The following RNF4 variants were observed in gnomAD, a reference collection of about 807,000 sequenced individuals.
RNF4 encodes the protein ring finger protein 4.
In RNF4, 7 loss-of-function variants were observed where a neutral mutation model predicts 24.3. That is an observed-to-expected ratio of 0.29 (90% CI 0.16 to 0.54). The LOEUF (loss-of-function observed/expected upper bound fraction) is 0.54, where lower values mean the gene tolerates loss of function less well. RNF4 is among the 20% of genes least tolerant of loss of function. The probability of loss-of-function intolerance (pLI) is 0.95; values close to 1 mark genes in which losing one functional copy is unlikely to be tolerated. For missense variants in RNF4, 209 were observed against 248.5 expected, an observed-to-expected ratio of 0.84 and a Z score of 1.07; for synonymous variants, 83 against 84.3, an observed-to-expected ratio of 0.98 and a Z score of 0.09.
chr4:2,495,290 A>G (rs1185187382), intron 2 of RNF4, among the ~76,000 whole-genome samples: 1 of 152,204 alleles, frequency 6.6e-6, no homozygotes, highest in Non-Finnish European at 1.5e-5. Flanking sequence ...CCTGTTGCCT[A>G]GCGAGGGCTT....
intron 1 of RNF4, among the ~76,000 whole-genome samples, chr4:2,475,435 T>G (rs1735039533): frequency 6.6e-6 from 1 of 152,146 alleles, no homozygotes; most frequent in East Asian, 1.9e-4. Flanking sequence ...GCCTCCCAGG[T>G]TCACGCCATT....
intron 4 of RNF4, among the ~76,000 whole-genome samples, chr4:2,504,535 T>C (rs964748057): frequency 7.0e-6 from 1 of 143,878 alleles, no homozygotes; most frequent in East Asian, 2.4e-4. Flanking sequence ...TTTATTTATT[T>C]ATTTATTTAT....
Position 2,514,082 on chromosome 4 carries a change from G to T in RNF4, c.*263G>T. The T allele has an allele frequency of 2.4e-6, 1 of 424,668 alleles. No homozygotes were observed. Among genetic ancestry groups the T allele is most frequent in the Non-Finnish European group, 4.2e-6 (1 of 235,592 alleles). The allele number at this position is 424,668 out of a possible 1,614,324, so 26.3% of individuals were successfully genotyped here. A position where few individuals can be genotyped will look rare whatever the true frequency, so the allele number is the denominator to read the frequency against. ...GGGAGAAAGGGAGTCAGGCGCATTGGGAATCGTGGTTCCAGTCTGGTTGCA... is the reference window on the plus strand; with the variant it reads ...GGGAGAAAGGGAGTCAGGCGCATTGTGAATCGTGGTTCCAGTCTGGTTGCA... On this transcript the variant is annotated 3_prime_UTR_variant, in exon 8 of 8. Transcript: ENST00000314289.
At chr4:2,511,112 G>A (rs912043336) in intron 4 of RNF4, among the ~76,000 whole-genome samples, 1 of 152,262 alleles carries the variant, frequency 6.6e-6, no homozygotes, top group African/African-American at 2.4e-5. Context: ...CCCTAGTGCT[G>A]TCTAAATGTT....
At chr4:2,497,208 A>G (rs1735764438) in intron 3 of RNF4, 87 bp downstream of exon 3, 2 of 966,716 alleles carry the variant, frequency 2.1e-6, no homozygotes, top group South Asian at 3.2e-5. Flanking sequence ...AGGTGCTTTC[A>G]GTGTCTTTAG....
chr4:2,494,801 C>T (rs888353115), intron 2 of RNF4: 10 of 152,192 alleles, frequency 6.6e-5, no homozygotes, highest in Non-Finnish European at 1.5e-4. Flanking sequence ...TGATCTAATG[C>T]TTGCTTGGAC....
chr4:2,472,624 G>A (rs1023130929), intron 1 of RNF4, among the ~76,000 whole-genome samples: 3 of 151,402 alleles, frequency 2.0e-5, no homozygotes, highest in East Asian at 1.9e-4. Context: ...AAAAAAGGGC[G>A]GCAGGGGGAA....
chr4:2,507,441 G>A (rs1736136020), intron 4 of RNF4, among the ~76,000 whole-genome samples: 1 of 152,226 alleles, frequency 6.6e-6, no homozygotes, highest in Non-Finnish European at 1.5e-5. Flanking sequence ...GCAAGTAACA[G>A]GCATCAGTAA....
At chr4:2,499,189 T>A (rs1383313367) in intron 3 of RNF4, 1 of 377,900 alleles carries the variant, frequency 2.6e-6, no homozygotes, top group Non-Finnish European at 5.2e-6. Context: ...AGAGCGAGAC[T>A]CTGTCTCAAA....
chr4:2,484,358 T>G (rs1735343891), intron 1 of RNF4, among the ~76,000 whole-genome samples: 1 of 151,768 alleles, frequency 6.6e-6, no homozygotes, highest in African/African-American at 2.4e-5. Flanking sequence ...TGAGATAGGG[T>G]CATAGAATTT....
At chr4:2,489,921 C>T (rs958734003) in intron 1 of RNF4, 1 of 152,872 alleles carries the variant, frequency 6.5e-6, no homozygotes, top group African/African-American at 2.4e-5. Flanking sequence ...TGGCTCTTGT[C>T]TTCTCAACTC....
chr4:2,490,965 G>A (rs1378500171), intron 2 of RNF4, among the ~76,000 whole-genome samples: 2 of 152,160 alleles, frequency 1.3e-5, no homozygotes, highest in East Asian at 3.8e-4. Context: ...GGGCGCACCT[G>A]TAGTCCCAGC....
chr4:2,471,387 C>T (rs1734904946), intron 1 of RNF4, among the ~76,000 whole-genome samples: 1 of 151,922 alleles, frequency 6.6e-6, no homozygotes, highest in South Asian at 2.1e-4. Flanking sequence ...GTACTAACAG[C>T]TCCACTGACT....
At chr4:2,510,236 T>C (rs549861430) in intron 4 of RNF4, among the ~76,000 whole-genome samples, 1 of 152,306 alleles carries the variant, frequency 6.6e-6, no homozygotes, top group South Asian at 2.1e-4. Flanking sequence ...CCACTCTAAT[T>C]ATTCCTAAGC....
At chr4:2,475,884 C>T (rs910748655) in intron 1 of RNF4, among the ~76,000 whole-genome samples, 8 of 152,184 alleles carry the variant, frequency 5.3e-5, no homozygotes, top group African/African-American at 1.7e-4. Flanking sequence ...CGAAACTTCA[C>T]CCCACCCCTG....
In RNF4 at chr4:2,512,481, C is replaced by A; in HGVS notation, c.258C>A (p.Asp86Glu). Residue 86 changes from aspartate (D) to glutamate (E), a missense_variant, in exon 6 of 8, where the codon GAC (aspartate) becomes GAA (glutamate). Asp to Glu is a conservative substitution (Grantham distance 45, BLOSUM62 2). This residue lies in a region of RNF4 where 182 missense variants were observed against 197.2 expected (regional missense o/e 0.92). Transcript: ENST00000314289. The surrounding 1 kb of genome is among the most constrained non-coding windows in gnomAD (Gnocchi z 4.1). ...PRRNARRLPQ[D>E]HADSCVVSSD... ...GGAATGCTAGGAGGCTGCCCCAGGA[C>A]CATGCTGACAGCTGTGTGGTGAGCA... is the stretch of plus-strand genomic sequence containing the variant. 1 of 1,613,624 alleles carries A rather than the reference C, an allele frequency of 6.2e-7. No individual in the cohort carries two copies. Among genetic ancestry groups the A allele is most frequent in the South Asian group, 1.1e-5 (1 of 91,034 alleles).
intron 1 of RNF4, among the ~76,000 whole-genome samples, chr4:2,474,704 C>T (rs1453606941): frequency 6.6e-6 from 1 of 152,150 alleles, no homozygotes; most frequent in Non-Finnish European, 1.5e-5. Context: ...GAAGAGACAA[C>T]TGATGCAGCA....
At chr4:2,495,152 C>T (rs1166370687) in intron 2 of RNF4, among the ~76,000 whole-genome samples, 1 of 152,218 alleles carries the variant, frequency 6.6e-6, no homozygotes, top group African/African-American at 2.4e-5. Context: ...CGCTTGGCCT[C>T]TGGGCCCTCC....
At chr4:2,484,553 G>A (rs1735350789) in intron 1 of RNF4, among the ~76,000 whole-genome samples, 2 of 151,902 alleles carry the variant, frequency 1.3e-5, no homozygotes, top group Admixed American at 6.6e-5. Context: ...GTACGTCAAG[G>A]AGCATCTGCA....
Sources: gnomAD v4.1 joint callset for allele counts (sites outside exome capture counted in the v4.1 genomes callset) on GRCh38, gnomAD v4.1.1 for gene constraint, gnomAD v4.1.1 regional missense constraint, Gnocchi (gnomAD v3.1) non-coding constraint, MANE v1.5 for transcripts, NCBI Gene and HGNC (gene_info 2026-07-23, HGNC 2026-07-21) for gene names.